Variants in ZNF385D observed in about 807,000 individuals in gnomAD.
ZNF385D encodes zinc finger protein 385D, also known as zinc finger protein 659.
A neutral mutation model predicts 35.8 loss-of-function variants in ZNF385D; 15 were observed. The ratio of observed to expected loss-of-function variants is 0.42; its 90% CI spans 0.28 to 0.64. The LOEUF is 0.64. Ranked by LOEUF, ZNF385D falls within the 30% of genes least tolerant of loss-of-function variation. ZNF385D has a pLI of 0.23. For synonymous variants in ZNF385D, 212 were observed against 186.8 expected, an observed-to-expected ratio of 1.13 and a Z score of -1.10; for missense variants, 474 against 494.6, an observed-to-expected ratio of 0.96 and a Z score of 0.39.
chr3:22,150,345 CTTTA>C (rs1297941363), intron 3 of ZNF385D, among the ~76,000 whole-genome samples: 1 of 151,678 alleles, frequency 6.6e-6, no homozygotes, highest in Non-Finnish European at 1.5e-5. Flanking sequence ...AATAGTTTTG[CTTTA>C]TTTATATAAA....
intron 3 of ZNF385D, among the ~76,000 whole-genome samples, chr3:22,013,685 C>A (rs1417867971): frequency 6.6e-6 from 1 of 152,064 alleles, no homozygotes; most frequent in East Asian, 1.9e-4. Context: ...AATTTACGTA[C>A]AGCCTGTTAA....
At chr3:21,880,749 C>T (rs1312895108) in intron 3 of ZNF385D, among the ~76,000 whole-genome samples, 2 of 151,926 alleles carry the variant, frequency 1.3e-5, no homozygotes, top group African/African-American at 4.8e-5. Context: ...GAAAGTAGGT[C>T]TCTCCTGCCA....
intron 5 of ZNF385D, among the ~76,000 whole-genome samples, chr3:21,427,877 C>G (rs1006194718): frequency 1.3e-5 from 2 of 151,230 alleles, no homozygotes; most frequent in Non-Finnish European, 3.0e-5. Flanking sequence ...CACTTACACA[C>G]ACATGCACAT....
At chr3:22,122,484 A>G (rs1444751682) in intron 3 of ZNF385D, among the ~76,000 whole-genome samples, 1 of 152,194 alleles carries the variant, frequency 6.6e-6, no homozygotes, top group African/African-American at 2.4e-5. Flanking sequence ...CTCTAATCAT[A>G]CTAAAAATAT....
chr3:22,360,214 T>A (rs1451684439), intron 2 of ZNF385D, among the ~76,000 whole-genome samples: 1 of 152,012 alleles, frequency 6.6e-6, no homozygotes, highest in Non-Finnish European at 1.5e-5. Flanking sequence ...TAGCTAGTAA[T>A]GAAAAGCATT....
At position 21,987,065 on chromosome 3, in the gene ZNF385D, T is replaced by C. The variant is rs1222765203; in HGVS notation, c.325+181752A>G. ...TTTATTTTGAGCCTATGTATGTCTC[T>C]GCACGTGAGATGGGTTTCCTGAATA... On this transcript the variant is annotated intron_variant, in intron 3 of 5. Coordinates refer to the ZNF385D transcript ENST00000494108. 1.5e-3 allele frequency among the ~76,000 whole-genome samples: 176 copies of C among 115,676 alleles called. 1 individual carries two copies. Among genetic ancestry groups the C allele is most frequent in the Middle Eastern group, 3.9e-3 (1 of 256 alleles). The allele number at this position is 115,676 out of a possible 152,430, so 75.9% of individuals were successfully genotyped here.
intron 3 of ZNF385D, among the ~76,000 whole-genome samples, chr3:21,523,826 T>C (rs1307152037): frequency 6.6e-6 from 1 of 152,026 alleles, no homozygotes; most frequent in African/African-American, 2.4e-5. Flanking sequence ...ATGACATCAC[T>C]CTGGCAGGGG....
At chr3:21,498,430 C>T (rs1706086261) in intron 4 of ZNF385D, among the ~76,000 whole-genome samples, 1 of 152,064 alleles carries the variant, frequency 6.6e-6, no homozygotes. Flanking sequence ...AGACAACCTA[C>T]AGAATGGAAG....
chr3:22,191,768 G>A (rs562883091), intron 2 of ZNF385D, among the ~76,000 whole-genome samples: 36 of 152,128 alleles, frequency 2.4e-4, no homozygotes, highest in African/African-American at 8.4e-4. Flanking sequence ...ATAAAATAAA[G>A]ACTATCATTA....
chr3:22,111,724 AC>A (rs1702547322), intron 3 of ZNF385D, among the ~76,000 whole-genome samples: 1 of 152,124 alleles, frequency 6.6e-6, no homozygotes, highest in African/African-American at 2.4e-5. Context: ...ATCGGATCAA[AC>A]TTTTATTTAT....
intron 3 of ZNF385D, among the ~76,000 whole-genome samples, chr3:21,757,491 G>C (rs1038744888): frequency 6.6e-6 from 1 of 152,046 alleles, no homozygotes; most frequent in African/African-American, 2.4e-5. Context: ...ACAGCTAATA[G>C]GAGCTTTTTA....
intron 3 of ZNF385D, among the ~76,000 whole-genome samples, chr3:21,894,773 A>G (rs1422473827): frequency 6.6e-6 from 1 of 152,150 alleles, no homozygotes; most frequent in Non-Finnish European, 1.5e-5. Context: ...AAATCTTACA[A>G]GCAGCAATAA....
chr3:21,485,674 A>G (rs78542726), intron 4 of ZNF385D, among the ~76,000 whole-genome samples: 1,712 of 152,200 alleles, frequency 0.011, 32 homozygotes, highest in African/African-American at 0.039. Flanking sequence ...ATTCACATTA[A>G]TAATAATGAT....
At chr3:21,424,611 C>A (rs1361869503) in intron 6 of ZNF385D, among the ~76,000 whole-genome samples, 2 of 150,578 alleles carry the variant, frequency 1.3e-5, no homozygotes, top group Admixed American at 6.6e-5. Context: ...CTGCGCCCAG[C>A]CTATTTTAGT....
chr3:22,061,805 T>C (rs1039870788), intron 3 of ZNF385D, among the ~76,000 whole-genome samples: 4 of 152,200 alleles, frequency 2.6e-5, no homozygotes, highest in African/African-American at 9.6e-5. Flanking sequence ...TCCTGATTCA[T>C]AGCGCTCATC....
intron 3 of ZNF385D, among the ~76,000 whole-genome samples, chr3:22,131,173 C>T (rs1231509849): frequency 1.3e-5 from 2 of 152,084 alleles, no homozygotes; most frequent in South Asian, 2.1e-4. Flanking sequence ...AGCACTCCAA[C>T]ATTTAGAAGT....
At chr3:22,270,666 T>A (rs1701126725) in intron 2 of ZNF385D, among the ~76,000 whole-genome samples, 1 of 152,024 alleles carries the variant, frequency 6.6e-6, no homozygotes, top group Non-Finnish European at 1.5e-5. Flanking sequence ...AGATCTTTAC[T>A]TATTTGCTTT....
At chr3:22,218,418 T>A (rs1243333775) in intron 2 of ZNF385D, among the ~76,000 whole-genome samples, 3 of 152,006 alleles carry the variant, frequency 2.0e-5, no homozygotes, top group Non-Finnish European at 4.4e-5. Flanking sequence ...TAAATTATAA[T>A]AATTTATTTG....
At position 22,340,835 on chromosome 3, in the gene ZNF385D, C is replaced by G. The variant is rs533219245; in HGVS notation, c.106+31615G>C. On this transcript the variant is annotated intron_variant, in intron 2 of 5. Transcript: ENST00000494108. The stretch of plus-strand genomic sequence containing the variant: ...TTCACAGGCTCACTGCCTTTTATGC[C>G]AGTAAGCCAGGGCAGGAGCCATGTC... Among the ~76,000 whole-genome samples, 3 of 152,264 alleles carry G rather than the reference C, an allele frequency of 2.0e-5. No individual in the cohort carries two copies. The South Asian group carries it at 6.2e-4, about 32-fold the overall frequency.
Sources: allele counts gnomAD v4.1 joint callset (sites outside exome capture counted in the v4.1 genomes callset), GRCh38; gene constraint gnomAD v4.1.1; transcripts MANE v1.5; gene names NCBI Gene and HGNC (gene_info 2026-07-23, HGNC 2026-07-21).